DNASE1L2: variants seen among roughly 807,000 people sequenced by gnomAD.
DNASE1L2 encodes deoxyribonuclease 1 like 2, also known as deoxyribonuclease-1-like 2.
Under a neutral mutation model 31.8 loss-of-function variants are expected in DNASE1L2, and 35 were observed. The observed-to-expected ratio is 1.10, with a 90% CI of 0.84 to 1.46. The LOEUF (loss-of-function observed/expected upper bound fraction) is 1.46. DNASE1L2 is among the 40% of genes most tolerant of loss of function. The probability of loss-of-function intolerance (pLI) is 0.00; values close to 1 mark genes in which losing one functional copy is unlikely to be tolerated. For synonymous variants in DNASE1L2, 211 were observed against 186.5 expected (o/e 1.13, Z -1.07); for missense variants, 504 against 418.8 (o/e 1.20, Z -1.77).
rs886501716 is a variant in DNASE1L2, at chr16:2,237,098, G to A, written c.205G>A (p.Val69Met). Residue 69 changes from valine (V) to methionine (M), a missense_variant, in exon 3 of 7, where the codon GTG (valine) becomes ATG (methionine). Physicochemically the swap from Val to Met is conservative, Grantham distance 21. Coordinates refer to ENST00000320700, the MANE Select transcript of DNASE1L2 (RefSeq NM_001374.3). ...GGTGCGAGACCCAGACCTCAGCGCC[G>A]TGTCCGCGCTCATGGAGCAGATCAA... is the stretch of plus-strand genomic sequence containing the variant. ...QEVRDPDLSA[V>M]SALMEQINSV... 3.0e-5 allele frequency: 47 copies of A among 1,549,778 alleles called. No homozygotes were observed. The highest frequency in any genetic ancestry group is 3.6e-4 in the Middle Eastern group (2 of 5,626).
In DNASE1L2 at chr16:2,237,462, C is replaced by T. The variant is rs753511284; in HGVS notation, c.404C>T (p.Ser135Leu). The T allele has an allele frequency of 2.0e-5, 32 of 1,581,580 alleles. No homozygotes were observed. In the Admixed American group the frequency reaches 2.5e-4, roughly 12 times the overall value. The change falls in exon 5 of 7, where the codon TCG becomes TTG. Residue 135 changes from serine (S) to leucine (L), a missense_variant. Physicochemically the swap from Ser to Leu is moderately radical, Grantham distance 145 (BLOSUM62 -2). Coordinates refer to ENST00000320700, the MANE Select transcript of DNASE1L2 (RefSeq NM_001374.3). ...CGCGAGCCCTTCGTGGTCAAGTTCT[C>T]GGCCCCCGGCACCGGTGAGCGGGCC... The part of the protein sequence containing the change: ...FSREPFVVKF[S>L]APGTGERAPP...
intron 6 of DNASE1L2, 75 bp from the exon 7 acceptor site, chr16:2,238,287 C>A: frequency 6.3e-7 from 1 of 1,593,030 alleles, no homozygotes; most frequent in Non-Finnish European, 8.6e-7. Flanking sequence ...GGGGTGGGCA[C>A]CCAGGCCTCA....
chr16:2,237,165 G>GGATCTCGCCCCGGCGCGGCGA (rs1345913078), intron 3 of DNASE1L2, 39 bp downstream of exon 3: 1 of 1,548,886 alleles, frequency 6.5e-7, no homozygotes. Flanking sequence ...CCCCCCGCCG[G>GGATCTCGCCCCGGCGCGGCGA]GATCTCGCCC....
In DNASE1L2 at chr16:2,237,762, C is replaced by T. The variant is rs769162157; in HGVS notation, c.592-5C>T. On this transcript the variant is annotated splice_polypyrimidine_tract_variant and splice_region_variant and intron_variant, in intron 5 of 6. Coordinates refer to ENST00000320700, the MANE Select transcript of DNASE1L2 (RefSeq NM_001374.3). Reference sequence around the variant, plus strand: ...GGCTCAGACACGGCTCCGCGGCGCCCGCAGGACATGCTGTTCCTGGGCGAC... The same window carrying T: ...GGCTCAGACACGGCTCCGCGGCGCCTGCAGGACATGCTGTTCCTGGGCGAC... 2.7e-5 allele frequency: 44 copies of T among 1,602,784 alleles called. No individual in the cohort carries two copies. Among genetic ancestry groups the T allele is most frequent in the Middle Eastern group, 3.3e-4 (2 of 6,068 alleles).
intron 6 of DNASE1L2, 85 bp from the exon 7 acceptor site, chr16:2,238,276 AG>A (rs2093519064): frequency 6.4e-7 from 1 of 1,559,014 alleles, no homozygotes; most frequent in Non-Finnish European, 8.8e-7. Context: ...AGGCAGCAGC[AG>A]GGGTGGGCAC....
Position 2,237,973 on chromosome 16 carries a change from C to T in DNASE1L2, c.798C>T (p.Ala266=). 4 of 1,608,240 alleles carry T rather than the reference C, an allele frequency of 2.5e-6. No homozygotes were observed. Among genetic ancestry groups the T allele is most frequent in the Non-Finnish European group, 3.4e-6 (4 of 1,178,406 alleles). The part of the protein sequence containing the change: ...RLRRSLKPQS[A]TVHDFQEEFG... ...GCCGGAGCCTGAAGCCCCAGTCGGC[C>T]ACCGTGCACGACTTCCAGGAGGAAT... is the stretch of plus-strand genomic sequence containing the variant. The change falls in exon 6 of 7, where the codon GCC becomes GCT. Residue 266 remains alanine, a synonymous_variant. Coordinates refer to ENST00000320700, the MANE Select transcript of DNASE1L2 (RefSeq NM_001374.3).
chr16:2,238,068 G>A lies in DNASE1L2; in HGVS notation c.843+50G>A, dbSNP rs202214037. ...GGTCTTGGGTCCCCACCGCCCGGGC[G>A]CACGCAGGCAGCAGGGAGGGTCCAG... On this transcript the variant is annotated intron_variant, in intron 6 of 6. Transcript: ENST00000320700. The A allele has an allele frequency of 1.2e-4, 181 of 1,540,002 alleles. No homozygotes were observed. In the African/African-American group the frequency reaches 1.8e-3, roughly 15 times the overall value.
chr16:2,236,964 G>C lies in DNASE1L2; in HGVS notation c.144+4G>C. The C allele has an allele frequency of 1.3e-6, 2 of 1,555,340 alleles. No individual in the cohort carries two copies. The highest frequency in any genetic ancestry group is 1.7e-6 in the Non-Finnish European group (2 of 1,150,034). ...TTGCGGCAGCATCATCGCGAAGGTG[G>C]GGCCCGGGCCGGGGCGGGGCGGCGT... is the stretch of plus-strand genomic sequence containing the variant. On this transcript the variant is annotated splice_donor_region_variant and intron_variant, in intron 2 of 6. Coordinates refer to ENST00000320700, the MANE Select transcript of DNASE1L2 (RefSeq NM_001374.3).
At position 2,237,749 on chromosome 16, in the gene DNASE1L2, G is replaced by T. The variant is rs1191167060; in HGVS notation, c.592-18G>T. ...CGGCTCCTGCGGCGGCTCAGACACG[G>T]CTCCGCGGCGCCCGCAGGACATGCT... On this transcript the variant is annotated intron_variant, in intron 5 of 6. Transcript: ENST00000320700. 6.3e-7 allele frequency: 1 copy of T among 1,599,052 alleles called. No homozygotes were observed. Among genetic ancestry groups the T allele is most frequent in the African/African-American group, 1.3e-5 (1 of 74,588 alleles).
chr16:2,237,593 G>C lies in DNASE1L2; in HGVS notation c.535G>C (p.Glu179Gln). ...CGCGGCGCCGCATCAAGCCGTGGCG[G>C]AGATCGACGCGCTCTACGACGTGTA... ...LHAAPHQAVA[E>Q]IDALYDVYLD... is the part of the protein sequence containing the mutation. Residue 179 changes from glutamate (E) to glutamine (Q), a missense_variant, in exon 5 of 7, where the codon GAG becomes CAG. Coordinates refer to ENST00000320700, the MANE Select transcript of DNASE1L2 (RefSeq NM_001374.3). 6.2e-7 allele frequency: 1 copy of C among 1,611,618 alleles called. No individual in the cohort carries two copies. Among genetic ancestry groups the C allele is most frequent in the Non-Finnish European group, 8.5e-7 (1 of 1,179,352 alleles).
Position 2,237,609 on chromosome 16 carries a change from A to G in DNASE1L2, c.551A>G (p.Tyr184Cys), listed in dbSNP as rs750172458. ...HQAVAEIDAL[Y>C]DVYLDVIDKW... ...GCCGTGGCGGAGATCGACGCGCTCT[A>G]CGACGTGTACCTGGACGTGATCGAC... The change falls in exon 5 of 7, where the codon TAC (tyrosine) becomes TGC (cysteine). Residue 184 changes from tyrosine (Y) to cysteine (C), a missense_variant. Physicochemically the swap from Tyr to Cys is radical, Grantham distance 194. Transcript: ENST00000320700. 1 of 1,610,714 alleles carries G rather than the reference A, an allele frequency of 6.2e-7. No individual in the cohort carries two copies. The highest frequency in any genetic ancestry group is 8.5e-7 in the Non-Finnish European group (1 of 1,179,128).
rs1567308717 is a variant in DNASE1L2 at position 2,237,084 on chromosome 16, C to T, written c.191C>T (p.Pro64Leu). 4.5e-6 allele frequency: 7 copies of T among 1,549,858 alleles called. No homozygotes were observed. The highest frequency in any genetic ancestry group is 2.0e-5 in the Admixed American group (1 of 51,112). Reference sequence around the variant, plus strand: ...GCGCTGGTGCAGGAGGTGCGAGACCCAGACCTCAGCGCCGTGTCCGCGCTC... The same window carrying T: ...GCGCTGGTGCAGGAGGTGCGAGACCTAGACCTCAGCGCCGTGTCCGCGCTC... The part of the protein sequence containing the change: ...DLALVQEVRD[P>L]DLSAVSALME... The change falls in exon 3 of 7, where the codon CCA becomes CTA. Residue 64 changes from proline to leucine, a missense_variant. Physicochemically the swap from Pro to Leu is moderately conservative, Grantham distance 98. Transcript: ENST00000320700.
rs1025069653 is a variant in DNASE1L2 at position 2,238,492 on chromosome 16, G to A, written c.*74G>A. The A allele has an allele frequency of 1.2e-5, 19 of 1,590,100 alleles. No individual in the cohort carries two copies. In the East Asian group the frequency reaches 4.2e-4, roughly 36 times the overall value. On this transcript the variant is annotated 3_prime_UTR_variant, in exon 7 of 7. Transcript: ENST00000320700. ...ATGGCCCAACAGTGGCCCCTTCAGGGTGGCAGCCACCCTTCAGTGAGGCCC... is the reference window on the plus strand; with the variant it reads ...ATGGCCCAACAGTGGCCCCTTCAGGATGGCAGCCACCCTTCAGTGAGGCCC...
Position 2,238,510 on chromosome 16 carries a change from T to G in DNASE1L2, c.*92T>G, listed in dbSNP as rs1326309415. On this transcript the variant is annotated 3_prime_UTR_variant, in exon 7 of 7. Transcript: ENST00000320700. ...CTTCAGGGTGGCAGCCACCCTTCAGTGAGGCCCCAAGGCAGAGTCGGCTGG... is the reference window on the plus strand; with the variant it reads ...CTTCAGGGTGGCAGCCACCCTTCAGGGAGGCCCCAAGGCAGAGTCGGCTGG... 66 of 1,490,198 alleles carry G rather than the reference T, an allele frequency of 4.4e-5. No individual in the cohort carries two copies. The highest frequency in any genetic ancestry group is 6.0e-5 in the Non-Finnish European group (64 of 1,072,352). The allele number at this position is 1,490,198 out of a possible 1,614,324, so 92.3% of individuals were successfully genotyped here.
In DNASE1L2 at chr16:2,238,407, T is replaced by C; in HGVS notation, c.889T>C (p.Phe297Leu). The stretch of plus-strand genomic sequence containing the variant: ...CTTTCCAGTGGAGGTGACCCTCAAG[T>C]TCCACCGATGACTCGAGGCCTGGCT... ...DHFPVEVTLK[F>L]HR is the part of the protein sequence containing the mutation. The change falls in exon 7 of 7, where the codon TTC becomes CTC. Residue 297 changes from phenylalanine to leucine, a missense_variant. Coordinates refer to ENST00000320700, the MANE Select transcript of DNASE1L2 (RefSeq NM_001374.3). The C allele has an allele frequency of 1.9e-6, 3 of 1,613,456 alleles. No homozygotes were observed. The highest frequency in any genetic ancestry group is 2.5e-6 in the Non-Finnish European group (3 of 1,179,998).
chr16:2,238,232 C>T (rs1387260867), intron 6 of DNASE1L2, 130 bp from the exon 7 acceptor site: 34 of 1,440,252 alleles, frequency 2.4e-5, no homozygotes, highest in Non-Finnish European at 3.1e-5. Flanking sequence ...AGTGGTGACA[C>T]CCTCTGCCCC....
In DNASE1L2 at chr16:2,238,448, C is replaced by G. The variant is rs1183180539; in HGVS notation, c.*30C>G. ...AGGCCTGGCTGGGGCATGCCACCTGCAGACCCTGGCTCTGAGGAATGGCCC... is the reference window on the plus strand; with the variant it reads ...AGGCCTGGCTGGGGCATGCCACCTGGAGACCCTGGCTCTGAGGAATGGCCC... On this transcript the variant is annotated 3_prime_UTR_variant, in exon 7 of 7. Coordinates refer to ENST00000320700, the MANE Select transcript of DNASE1L2 (RefSeq NM_001374.3). The G allele has an allele frequency of 1.5e-5, 24 of 1,612,738 alleles. No homozygotes were observed. The highest frequency in any genetic ancestry group is 2.0e-5 in the Non-Finnish European group (24 of 1,179,776).
chr16:2,236,734 G>C, intron 1 of DNASE1L2, 44 bp from the exon 2 acceptor site: 1 of 1,455,556 alleles, frequency 6.9e-7, no homozygotes, highest in Non-Finnish European at 9.0e-7. Context: ...GGCGGCCGCG[G>C]AGGGAAGGGG....
At chr16:2,238,124 C>G in intron 6 of DNASE1L2, 106 bp downstream of exon 6, 1 of 1,471,492 alleles carries the variant, frequency 6.8e-7, no homozygotes. Context: ...CAGCTTCCTC[C>G]CTGCACCAGG....
Sources: gnomAD v4.1 joint callset for allele counts on GRCh38, gnomAD v4.1.1 for gene constraint, MANE v1.5 for transcripts, NCBI Gene and HGNC (gene_info 2026-07-23, HGNC 2026-07-21) for gene names.